The following WDR70 variants were observed in gnomAD, a reference collection of about 807,000 sequenced individuals.
WDR70 encodes the protein WD repeat-containing protein 70.
A neutral mutation model predicts 88.6 loss-of-function variants in WDR70; 53 were observed. The observed-to-expected ratio is 0.60, with a 90% CI of 0.48 to 0.75. WDR70 has a LOEUF of 0.75. Among genes scored for constraint, WDR70 ranks in the 30% least tolerant of loss-of-function variants. The pLI, the probability that WDR70 is intolerant of heterozygous loss-of-function variation, is 0.00. For synonymous variants in WDR70, 280 were observed against 270.0 expected (o/e 1.04, Z -0.36); for missense variants, 610 against 823.2 (o/e 0.74, Z 3.17).
intron 13 of WDR70, among the ~76,000 whole-genome samples, chr5:37,712,271 G>A (rs11749343): frequency 0.42 from 63,842 of 151,958 alleles, 15,414 homozygotes; most frequent in Non-Finnish European, 0.54. Context: ...GATTACAGGC[G>A]AGAGCCACCG....
At chr5:37,709,463 CAT>C (rs1561084690) in intron 13 of WDR70, among the ~76,000 whole-genome samples, 2 of 152,126 alleles carry the variant, frequency 1.3e-5, no homozygotes, top group African/African-American at 4.8e-5. Flanking sequence ...GTATACCTAA[CAT>C]AGGTGTGTGG....
chr5:37,548,277 T>C (rs192321633), intron 9 of WDR70, among the ~76,000 whole-genome samples: 1 of 152,312 alleles, frequency 6.6e-6, no homozygotes, highest in Admixed American at 6.5e-5. Context: ...AGTATGAGGG[T>C]TCCTTTTTCT....
intron 9 of WDR70, among the ~76,000 whole-genome samples, chr5:37,594,199 T>C (rs989401250): frequency 3.3e-5 from 5 of 152,234 alleles, no homozygotes; most frequent in African/African-American, 1.2e-4. Flanking sequence ...TTTGGTGTTT[T>C]AGTCATGAAG....
chr5:37,559,758 T>A (rs1742443844), intron 9 of WDR70, among the ~76,000 whole-genome samples: 1 of 151,198 alleles, frequency 6.6e-6, no homozygotes. Flanking sequence ...GGAAAGAGAA[T>A]CACTTGAACC....
chr5:37,567,065 C>A (rs1742765953), intron 9 of WDR70, among the ~76,000 whole-genome samples: 1 of 152,114 alleles, frequency 6.6e-6, no homozygotes, highest in African/African-American at 2.4e-5. Flanking sequence ...AAGCTGTTTT[C>A]TCAATTTTCT....
At chr5:37,668,895 C>T (rs1164904076) in intron 10 of WDR70, among the ~76,000 whole-genome samples, 1 of 152,140 alleles carries the variant, frequency 6.6e-6, no homozygotes, top group East Asian at 1.9e-4. Flanking sequence ...TTCTGAAATC[C>T]CAGTGGTTGC....
chr5:37,730,456 T>C (rs945249116), intron 17 of WDR70, among the ~76,000 whole-genome samples: 57 of 152,116 alleles, frequency 3.7e-4, no homozygotes, highest in Non-Finnish European at 6.9e-4. Context: ...TTTGCTTTTT[T>C]TTTGGCTTTG....
chr5:37,724,806 C>T, intron 15 of WDR70, 128 bp from the exon 16 acceptor site: 1 of 951,760 alleles, frequency 1.1e-6, no homozygotes, highest in Non-Finnish European at 1.6e-6. Context: ...GTAAGACTGT[C>T]TTTTATTATC....
At chr5:37,393,286 C>T (rs893952918) in intron 4 of WDR70, among the ~76,000 whole-genome samples, 9 of 152,064 alleles carry the variant, frequency 5.9e-5, no homozygotes, top group African/African-American at 1.7e-4. Flanking sequence ...GTGATCCACC[C>T]GCCTTGGCCT....
At chr5:37,461,291 G>A (rs1738996415) in intron 7 of WDR70, among the ~76,000 whole-genome samples, 1 of 151,810 alleles carries the variant, frequency 6.6e-6, no homozygotes, top group African/African-American at 2.4e-5. Flanking sequence ...TCTTATTTAC[G>A]CTCTCTGCCT....
At chr5:37,584,355 G>T (rs1164562538) in intron 9 of WDR70, among the ~76,000 whole-genome samples, 2 of 152,158 alleles carry the variant, frequency 1.3e-5, no homozygotes, top group Non-Finnish European at 2.9e-5. Context: ...GAGTTCTGTT[G>T]TAGATTAATT....
rs70978839 is a variant in WDR70, at chr5:37,699,402, T to TACACACACAC, written c.1193-1641_1193-1632dup. Among the ~76,000 whole-genome samples the TACACACACAC allele has an allele frequency of 9.3e-4, 66 of 70,804 alleles. No homozygotes were observed. The Middle Eastern group carries it at 0.021, about 22-fold the overall frequency. 46.5% of individuals were successfully genotyped at this position (70,804 alleles called of 152,430 possible). On this transcript the variant is annotated intron_variant, in intron 11 of 17. Transcript: ENST00000265107. ...ATATATGTATGTGTGTATATATATA[T>TACACACACAC]ACACACACACACACACACACACACT...
intron 9 of WDR70, among the ~76,000 whole-genome samples, chr5:37,582,238 C>A (rs1181641577): frequency 6.6e-6 from 1 of 151,964 alleles, no homozygotes; most frequent in East Asian, 1.9e-4. Context: ...TTGTGCTGTC[C>A]ATTGCATTTA....
chr5:37,602,150 A>G (rs1743903396), intron 9 of WDR70, among the ~76,000 whole-genome samples: 3 of 152,144 alleles, frequency 2.0e-5, no homozygotes, highest in African/African-American at 7.2e-5. Context: ...GCAAACCACC[A>G]TGGCGCATGT....
intron 7 of WDR70, among the ~76,000 whole-genome samples, chr5:37,468,447 T>C (rs970723266): frequency 1.3e-5 from 2 of 152,210 alleles, no homozygotes; most frequent in Non-Finnish European, 2.9e-5. Flanking sequence ...ATTTTATTTA[T>C]TTTTTCATTT....
Position 37,596,300 on chromosome 5 carries a change from T to C in WDR70, c.918-8764T>C, listed in dbSNP as rs145566333. ...GCAAGGGGACAGAACCCCAGTGTTATAAGACACCTTGGCATCTATAAACCA... is the reference window on the plus strand; with the variant it reads ...GCAAGGGGACAGAACCCCAGTGTTACAAGACACCTTGGCATCTATAAACCA... On this transcript the variant is annotated intron_variant, in intron 9 of 17. Transcript: ENST00000265107. Among the ~76,000 whole-genome samples the C allele has an allele frequency of 4.7e-4, 71 of 152,308 alleles. 1 individual carries two copies. The highest frequency in any genetic ancestry group is 1.5e-3 in the African/African-American group (62 of 41,576).
At chr5:37,678,865 A>G (rs1259806360) in intron 10 of WDR70, among the ~76,000 whole-genome samples, 8 of 152,332 alleles carry the variant, frequency 5.3e-5, no homozygotes, top group South Asian at 2.1e-4. Context: ...ACTTTCAGGT[A>G]CACCAATCAG....
Position 37,752,689 on chromosome 5 carries a change from C to A in WDR70, c.*116C>A. On this transcript the variant is annotated 3_prime_UTR_variant, in exon 18 of 18. Transcript: ENST00000265107. ...TTTTATGAACAGGTTTTGTCCTTTG[C>A]ATTATTGAACTGGTCAAAAGTTTGG... 1.3e-6 allele frequency: 1 copy of A among 766,280 alleles called. No homozygotes were observed. Among genetic ancestry groups the A allele is most frequent in the East Asian group, 2.9e-5 (1 of 35,032 alleles). The allele number at this position is 766,280 out of a possible 1,614,324, so 47.5% of individuals were successfully genotyped here.
intron 10 of WDR70, among the ~76,000 whole-genome samples, chr5:37,686,884 A>ACT (rs1746620709): frequency 6.7e-6 from 1 of 150,344 alleles, no homozygotes; most frequent in African/African-American, 2.5e-5. Context: ...CACACCTAAG[A>ACT]ATAAGAGGCC....
Sources: gnomAD v4.1 joint callset for allele counts (sites outside exome capture counted in the v4.1 genomes callset) on GRCh38, gnomAD v4.1.1 for gene constraint, MANE v1.5 for transcripts, NCBI Gene and HGNC (gene_info 2026-07-23, HGNC 2026-07-21) for gene names.